Variants in ZNF695 observed in about 807,000 individuals in gnomAD.
ZNF695 encodes zinc finger protein 695.
Under a neutral mutation model 11.2 loss-of-function variants are expected in ZNF695, and 11 were observed. The ratio of observed to expected loss-of-function variants is 0.98; its 90% CI spans 0.62 to 1.62. The LOEUF (loss-of-function observed/expected upper bound fraction) is 1.62, where lower values mean the gene tolerates loss of function less well. ZNF695 is among the 40% of genes most tolerant of loss of function. ZNF695 has a pLI of 0.00. For synonymous variants in ZNF695, 190 were observed against 201.4 expected (o/e 0.94, Z 0.48); for missense variants, 559 against 590.5 (o/e 0.95, Z 0.55).
At chr1:246,956,319 A>G (rs1668000068) in intron 5 of ZNF695, among the ~76,000 whole-genome samples, 1 of 151,510 alleles carries the variant, frequency 6.6e-6, no homozygotes, top group Non-Finnish European at 1.5e-5. Flanking sequence ...AAAATCTATA[A>G]AAGATGGTCA....
chr1:246,974,685 G>A (rs1434759995), intron 4 of ZNF695, among the ~76,000 whole-genome samples: 2 of 152,166 alleles, frequency 1.3e-5, no homozygotes, highest in Non-Finnish European at 2.9e-5. Context: ...CAGGATAAAG[G>A]GAAAAGGGAA....
At chr1:246,982,518 T>C (rs1668736441), downstream of ZNF695, among the ~76,000 whole-genome samples, 1 of 152,232 alleles carries the variant, frequency 6.6e-6, no homozygotes, top group African/African-American at 2.4e-5. Context: ...CTGCTTACAA[T>C]ACATAGTCCA....
intron 4 of ZNF695, among the ~76,000 whole-genome samples, chr1:246,972,824 G>A (rs866205591): frequency 1.8e-4 from 28 of 151,680 alleles, no homozygotes; most frequent in African/African-American, 6.5e-4. Flanking sequence ...GGCAGCCTCT[G>A]GGTTTTTTAG....
At chr1:246,976,623 T>C (rs1486982474) in intron 4 of ZNF695, among the ~76,000 whole-genome samples, 1 of 151,246 alleles carries the variant, frequency 6.6e-6, no homozygotes, top group Non-Finnish European at 1.5e-5. Context: ...TGAAACCCCG[T>C]CTCTACTAAA....
In ZNF695 at chr1:246,987,111, T is replaced by A. The variant is rs955289941; in HGVS notation, c.1404A>T (p.Glu468Asp). The change falls in exon 4 of 4, where the codon GAA becomes GAT. Residue 468 changes from glutamate (E) to aspartate (D), a missense_variant. Transcript: ENST00000339986. ...HTGEKPYKCE[E>D]CGKAFGQSSH... ...AGCTCTGGCCAAAGGCTTTGCCACA[T>A]TCTTCACATTTGTAGGGTTTCTCTC... 1 of 1,614,164 alleles carries A rather than the reference T, an allele frequency of 6.2e-7. No homozygotes were observed. The highest frequency in any genetic ancestry group is 8.5e-7 in the Non-Finnish European group (1 of 1,180,012).
At chr1:246,981,070 G>T (rs925070893), downstream of ZNF695, among the ~76,000 whole-genome samples, 1 of 152,084 alleles carries the variant, frequency 6.6e-6, no homozygotes, top group African/African-American at 2.4e-5. Flanking sequence ...ATTAAAAATG[G>T]GGAAAATATC....
chr1:246,995,855 A>G (rs952350335), intron 3 of ZNF695, among the ~76,000 whole-genome samples: 1 of 151,930 alleles, frequency 6.6e-6, no homozygotes, highest in Admixed American at 6.6e-5. Flanking sequence ...CGGTAATTAA[A>G]ACAGTTTGGT....
chr1:246,960,758 G>A (rs1018554408), intron 5 of ZNF695, among the ~76,000 whole-genome samples: 3 of 151,984 alleles, frequency 2.0e-5, no homozygotes, highest in Admixed American at 2.0e-4. Context: ...TGGGCAACAT[G>A]GCAAAACTCT....
At chr1:246,948,031 C>T (rs922609325) in intron 5 of ZNF695, among the ~76,000 whole-genome samples, 2 of 152,076 alleles carry the variant, frequency 1.3e-5, no homozygotes, top group African/African-American at 4.8e-5. Flanking sequence ...TCTGTCTCCA[C>T]ACTCATTACC....
At chr1:246,950,909 A>G (rs1384657318) in intron 5 of ZNF695, among the ~76,000 whole-genome samples, 1 of 151,994 alleles carries the variant, frequency 6.6e-6, no homozygotes, top group Admixed American at 6.6e-5. Context: ...TCTTATGACC[A>G]CTCCAAATTG....
At chr1:246,985,317 A>G, downstream of ZNF695, 2 of 984,690 alleles carry the variant, frequency 2.0e-6, no homozygotes, top group South Asian at 4.7e-5. Context: ...TCAGAAATAC[A>G]CGGTCTTTGA....
intron 5 of ZNF695, chr1:246,945,857 T>A: frequency 1.3e-6 from 2 of 1,549,658 alleles, no homozygotes; most frequent in African/African-American, 2.7e-5. Context: ...AAAAGCAGCT[T>A]AAGGTTCCGA....
chr1:246,996,270 A>G, intron 3 of ZNF695: 1 of 272,178 alleles, frequency 3.7e-6, no homozygotes, highest in Non-Finnish European at 7.2e-6. Context: ...ATGGGAGATC[A>G]CTTGAATCTG....
intron 3 of ZNF695, among the ~76,000 whole-genome samples, chr1:246,993,592 G>GAT (rs1464952291): frequency 6.6e-6 from 1 of 152,042 alleles, no homozygotes; most frequent in Non-Finnish European, 1.5e-5. Context: ...CTGAACAAAA[G>GAT]ATTACAATGT....
At chr1:246,945,632 A>G, downstream of ZNF695, 1 of 673,684 alleles carries the variant, frequency 1.5e-6, no homozygotes, top group Non-Finnish European at 2.5e-6. Flanking sequence ...AAAAACCAAC[A>G]TGGAAGAACA....
Position 246,989,667 on chromosome 1 carries a change from G to T in ZNF695, c.260-1412C>A, listed in dbSNP as rs72768306. Among the ~76,000 whole-genome samples the T allele has an allele frequency of 3.8e-3, 584 of 152,268 alleles. 2 individuals carry two copies. Among genetic ancestry groups the T allele is most frequent in the Middle Eastern group, 0.02 (6 of 294 alleles). ...AATGGAGTAAATTATCCATTCAAAA[G>T]AAATAGACTGGCTGAATGGATGAAA... On this transcript the variant is annotated intron_variant, in intron 3 of 3. Coordinates refer to ENST00000339986, the MANE Select transcript of ZNF695 (RefSeq NM_020394.5).
At chr1:247,004,989 T>C (rs1281585714) in intron 1 of ZNF695, among the ~76,000 whole-genome samples, 2 of 152,228 alleles carry the variant, frequency 1.3e-5, no homozygotes, top group East Asian at 1.9e-4. Flanking sequence ...AAAATGTTAC[T>C]GTTAAAATGT....
chr1:246,999,455 A>G lies in ZNF695; in HGVS notation c.167-15T>C. 6.2e-7 allele frequency: 1 copy of G among 1,604,202 alleles called. No individual in the cohort carries two copies. Among genetic ancestry groups the G allele is most frequent in the African/African-American group, 1.3e-5 (1 of 74,830 alleles). ...CATAGCAAGACCTGTTTTATTAGAA[A>G]AAAGGTGCATGATTCTTGCAGGGAT... On this transcript the variant is annotated splice_polypyrimidine_tract_variant and intron_variant, in intron 2 of 3. Coordinates refer to ENST00000339986, the MANE Select transcript of ZNF695 (RefSeq NM_020394.5).
At chr1:246,991,120 G>A (rs78364723) in intron 3 of ZNF695, among the ~76,000 whole-genome samples, 3,031 of 152,100 alleles carry the variant, frequency 0.02, 37 homozygotes, top group Middle Eastern at 0.058. Flanking sequence ...AGAAATAAAT[G>A]AAATTAAAAT....
Sources: gnomAD v4.1 joint callset for allele counts (sites outside exome capture counted in the v4.1 genomes callset) on GRCh38, gnomAD v4.1.1 for gene constraint, MANE v1.5 for transcripts, NCBI Gene and HGNC (gene_info 2026-07-23, HGNC 2026-07-21) for gene names.